SVIL: variants seen among roughly 807,000 people sequenced by gnomAD.
SVIL encodes archvillin.
Under a neutral mutation model 240.4 loss-of-function variants are expected in SVIL, and 101 were observed. That is an observed-to-expected ratio of 0.42 (90% CI 0.36 to 0.50). The LOEUF is 0.50. Ranked by LOEUF, SVIL falls within the 20% of genes least tolerant of loss-of-function variation. The pLI, the probability that SVIL is intolerant of heterozygous loss-of-function variation, is 0.01. For missense variants in SVIL, 2,512 were observed against 2,818.7 expected (o/e 0.89, Z 2.46); for synonymous variants, 999 against 1,100.0 (o/e 0.91, Z 1.82).
At chr10:29,728,365 G>A (rs1964411766) in intron 1 of SVIL, among the ~76,000 whole-genome samples, 1 of 152,194 alleles carries the variant, frequency 6.6e-6, no homozygotes, top group Non-Finnish European at 1.5e-5. Flanking sequence ...CCAAAGTTCA[G>A]ACCTTTTCAA....
At chr10:29,495,247 G>T (rs2368404) in intron 18 of SVIL, 66 bp from the exon 19 acceptor site, 1 of 808,996 alleles carries the variant, frequency 1.2e-6, no homozygotes, top group East Asian at 3.0e-5. Flanking sequence ...CGGGACCCTG[G>T]TGGATCTCCA....
At chr10:29,691,741 C>G (rs1173964035) in intron 1 of SVIL, among the ~76,000 whole-genome samples, 2 of 152,162 alleles carry the variant, frequency 1.3e-5, no homozygotes, top group Admixed American at 6.5e-5. Flanking sequence ...CCAAGGACAA[C>G]AAACCCCCCA....
intron 3 of SVIL, among the ~76,000 whole-genome samples, chr10:29,652,623 C>G (rs1463330137): frequency 6.6e-6 from 1 of 152,128 alleles, no homozygotes; most frequent in Non-Finnish European, 1.5e-5. Context: ...AAAGGTAAAT[C>G]TGTGTTTAAT....
At position 29,699,450 on chromosome 10, in the gene SVIL, G is replaced by GCAC. The variant is rs911833865; in HGVS notation, c.-399-12802_-399-12800dup. Among the ~76,000 whole-genome samples the GCAC allele has an allele frequency of 7.2e-5, 11 of 152,216 alleles. No homozygotes were observed. The East Asian group carries it at 1.5e-3, about 21-fold the overall frequency. On this transcript the variant is annotated intron_variant, in intron 1 of 35. Transcript: ENST00000375400. ...CCTGAGTAGCTGGGATTACAGGCGT[G>GCAC]CACCACCACACCAGGCTAATTTTTG... is the stretch of plus-strand genomic sequence containing the variant.
intron 2 of SVIL, among the ~76,000 whole-genome samples, chr10:29,566,653 C>T (rs774168204): frequency 1.3e-5 from 2 of 152,198 alleles, no homozygotes; most frequent in Non-Finnish European, 2.9e-5. Context: ...CATCAGTGAG[C>T]ACCTTTTTTG....
intron 30 of SVIL, among the ~76,000 whole-genome samples, chr10:29,472,009 T>A (rs768776488): frequency 4.6e-5 from 7 of 152,276 alleles, no homozygotes; most frequent in Non-Finnish European, 1.0e-4. Flanking sequence ...CCCAGGAGGC[T>A]GAGGAAGGAG....
intron 2 of SVIL, among the ~76,000 whole-genome samples, chr10:29,676,097 G>A (rs146740263): frequency 2.1e-3 from 320 of 152,144 alleles, no homozygotes; most frequent in African/African-American, 6.4e-3. Flanking sequence ...TCTAATTCCT[G>A]TTTCCCATGC....
At chr10:29,520,844 A>G (rs1950513622) in intron 16 of SVIL, among the ~76,000 whole-genome samples, 2 of 151,426 alleles carry the variant, frequency 1.3e-5, no homozygotes, top group Non-Finnish European at 2.9e-5. Context: ...TGTGTCCAGG[A>G]GTTCGAGGCT....
intron 5 of SVIL, among the ~76,000 whole-genome samples, chr10:29,552,220 G>T (rs113772858): frequency 7.4e-6 from 1 of 135,118 alleles, no homozygotes; most frequent in African/African-American, 2.9e-5. Context: ...TTATAAAATA[G>T]TTAGTTATTA....
intron 1 of SVIL, among the ~76,000 whole-genome samples, chr10:29,576,589 G>C (rs1430113199): frequency 6.6e-6 from 1 of 152,110 alleles, no homozygotes; most frequent in African/African-American, 2.4e-5. Context: ...CTGTCACCCA[G>C]GCTGAAGTGC....
chr10:29,465,888 G>T, intron 33 of SVIL, 138 bp from the exon 34 acceptor site: 1 of 1,118,902 alleles, frequency 8.9e-7, no homozygotes, highest in South Asian at 1.5e-5. Context: ...TCAAGGTGGA[G>T]AAAGCCTTTT....
intron 1 of SVIL, among the ~76,000 whole-genome samples, chr10:29,618,862 G>C (rs1327101377): frequency 6.6e-6 from 1 of 152,036 alleles, no homozygotes; most frequent in South Asian, 2.1e-4. Context: ...CTGGGACTAC[G>C]GGCATAGGCC....
chr10:29,582,959 T>C (rs1388957589), intron 1 of SVIL, among the ~76,000 whole-genome samples: 1 of 152,072 alleles, frequency 6.6e-6, no homozygotes, highest in Admixed American at 6.5e-5. Flanking sequence ...CCAAATCCAG[T>C]CATTCAGTGC....
rs1947669667 is a variant in SVIL at position 29,488,739 on chromosome 10, A to C, written c.4210T>G (p.Phe1404Val). ...KVEKMSSNSN[F>V]SEVTLAGLAS... is the part of the protein sequence containing the mutation. The stretch of plus-strand genomic sequence containing the variant: ...AAACCCGCCAGGGTGACTTCTGAGA[A>C]GTTGGAGTTGGAAGACACTGGGCAC... The change falls in exon 23 of 38, where the codon TTC becomes GTC. Residue 1404 changes from phenylalanine (F) to valine (V), a missense_variant. Physicochemically the swap from Phe to Val is conservative, Grantham distance 50. This residue lies in a region of SVIL where 272 missense variants were observed against 406.8 expected (regional missense o/e 0.67). Transcript: ENST00000355867. 6.2e-7 allele frequency: 1 copy of C among 1,612,406 alleles called. No homozygotes were observed. The highest frequency in any genetic ancestry group is 8.5e-7 in the Non-Finnish European group (1 of 1,179,486).
chr10:29,526,834 C>T, intron 13 of SVIL, 127 bp downstream of exon 13: 1 of 762,682 alleles, frequency 1.3e-6, no homozygotes. Context: ...AAATGCCACG[C>T]ATTCTGGAAC....
rs1391461579 is a variant in SVIL, at chr10:29,488,771, T to C, written c.4193-15A>G. The C allele has an allele frequency of 6.2e-7, 1 of 1,608,604 alleles. No homozygotes were observed. The highest frequency in any genetic ancestry group is 1.3e-5 in the African/African-American group (1 of 74,670). On this transcript the variant is annotated splice_polypyrimidine_tract_variant and intron_variant, in intron 22 of 37. Transcript: ENST00000355867. The stretch of plus-strand genomic sequence containing the variant: ...GTTGGAAGACACTGGGCACGTTGAA[T>C]AAGGAAACACAACGCAGGAGGTTCA...
At chr10:29,675,947 A>G (rs1960170137) in intron 2 of SVIL, among the ~76,000 whole-genome samples, 1 of 152,180 alleles carries the variant, frequency 6.6e-6, no homozygotes, top group Non-Finnish European at 1.5e-5. Flanking sequence ...GAAACCAACC[A>G]TCAGTCCTCT....
intron 1 of SVIL, among the ~76,000 whole-genome samples, chr10:29,729,195 G>A (rs1391402889): frequency 1.3e-5 from 2 of 152,104 alleles, no homozygotes; most frequent in African/African-American, 4.8e-5. Flanking sequence ...TGATGTTGGG[G>A]GGACAACATA....
At chr10:29,637,595 T>C (rs576793012), upstream of SVIL, among the ~76,000 whole-genome samples, 7 of 152,258 alleles carry the variant, frequency 4.6e-5, no homozygotes, top group African/African-American at 9.6e-5. Context: ...GAGAGACACA[T>C]AACATAGATC....
Sources: gnomAD v4.1 joint callset for allele counts (sites outside exome capture counted in the v4.1 genomes callset) on GRCh38, gnomAD v4.1.1 for gene constraint, gnomAD v4.1.1 regional missense constraint, MANE v1.5 for transcripts, NCBI Gene and HGNC (gene_info 2026-07-23, HGNC 2026-07-21) for gene names.